DHRS7B: variants seen among roughly 807,000 people sequenced by gnomAD.
DHRS7B encodes the protein peroxisomal reductase activating PPAR-gamma.
A neutral mutation model predicts 26.4 loss-of-function variants in DHRS7B; 24 were observed. That is an observed-to-expected ratio of 0.91 (90% confidence interval 0.66 to 1.28). The LOEUF is 1.28. DHRS7B is among the 50% of genes most tolerant of loss of function. DHRS7B has a pLI of 0.00. For missense variants in DHRS7B, 368 were observed against 419.4 expected (o/e 0.88, Z 1.07); for synonymous variants, 142 against 166.4 (o/e 0.85, Z 1.13).
At chr17:21,166,472 G>T in intron 1 of DHRS7B, 1 of 985,118 alleles carries the variant, frequency 1.0e-6, no homozygotes, top group Non-Finnish European at 1.2e-6. Context: ...GCCATCTGAG[G>T]TAGGATATTG....
At chr17:21,179,636 G>T (rs1432700065) in intron 3 of DHRS7B, among the ~76,000 whole-genome samples, 1 of 151,918 alleles carries the variant, frequency 6.6e-6, no homozygotes, top group Non-Finnish European at 1.5e-5. Flanking sequence ...TCCTTTGCTT[G>T]TTTTTTTAAT....
intron 1 of DHRS7B, among the ~76,000 whole-genome samples, chr17:21,134,608 C>G (rs945920650): frequency 2.6e-5 from 4 of 152,144 alleles, no homozygotes; most frequent in Admixed American, 6.6e-5. Flanking sequence ...CCAGTCAAAG[C>G]CTTGGTAAAA....
At chr17:21,157,685 C>G (rs901901503) in intron 1 of DHRS7B, among the ~76,000 whole-genome samples, 2 of 152,080 alleles carry the variant, frequency 1.3e-5, no homozygotes, top group Non-Finnish European at 2.9e-5. Flanking sequence ...GAAAGTGAGA[C>G]CCTGTCTCAA....
intron 1 of DHRS7B, among the ~76,000 whole-genome samples, chr17:21,140,487 C>CACACAT (rs1361737051): frequency 1.5e-5 from 2 of 129,252 alleles, no homozygotes; most frequent in Admixed American, 7.8e-5. Flanking sequence ...AATACACACA[C>CACACAT]ACACACACAC....
chr17:21,188,677 A>T, intron 5 of DHRS7B, 34 bp from the exon 6 acceptor site: 1 of 1,546,896 alleles, frequency 6.5e-7, no homozygotes, highest in Non-Finnish European at 8.7e-7. Flanking sequence ...ACCCCAGCGC[A>T]CTCAGTCACC....
At chr17:21,172,713 A>G (rs1424431081) in intron 2 of DHRS7B, among the ~76,000 whole-genome samples, 1 of 152,154 alleles carries the variant, frequency 6.6e-6, no homozygotes, top group Non-Finnish European at 1.5e-5. Flanking sequence ...AGCATGGTCT[A>G]GACAAGGTCA....
At chr17:21,177,429 G>T (rs1974406068) in intron 2 of DHRS7B, among the ~76,000 whole-genome samples, 1 of 152,212 alleles carries the variant, frequency 6.6e-6, no homozygotes, top group South Asian at 2.1e-4. Flanking sequence ...TGTCTGACTA[G>T]CTTTGGACTG....
chr17:21,158,366 G>T (rs1390620017), intron 1 of DHRS7B, among the ~76,000 whole-genome samples: 1 of 152,182 alleles, frequency 6.6e-6, no homozygotes, highest in Non-Finnish European at 1.5e-5. Context: ...TTCACAGATG[G>T]CAATCATTTA....
rs568643527 is a variant in DHRS7B, at chr17:21,166,133, C to T, written c.21-5885C>T. Reference sequence around the variant, plus strand: ...GCTTTGGCACCTTTCTCCGCCCCCCCTCACAGGATTGCCGGGAAGCATGTG... The same window carrying T: ...GCTTTGGCACCTTTCTCCGCCCCCCTTCACAGGATTGCCGGGAAGCATGTG... On this transcript the variant is annotated intron_variant, in intron 1 of 6. Transcript: ENST00000395511. 8.1e-6 allele frequency: 8 copies of T among 985,272 alleles called. No individual in the cohort carries two copies. In the African/African-American group the frequency reaches 1.4e-4, roughly 17 times the overall value. 61.0% of individuals were successfully genotyped at this position (985,272 alleles called of 1,614,324 possible). A position where few individuals can be genotyped will look rare whatever the true frequency, so the allele number is the denominator to read the frequency against.
chr17:21,178,351 G>C lies in DHRS7B; in HGVS notation c.309+9G>C. 6.2e-7 allele frequency: 1 copy of C among 1,611,992 alleles called. No individual in the cohort carries two copies. Among genetic ancestry groups the C allele is most frequent in the East Asian group, 2.2e-5 (1 of 44,872 alleles). On this transcript the variant is annotated intron_variant, in intron 3 of 6. Transcript: ENST00000395511. ...CTTCTCATGCCACCAAGGTGAGCCA[G>C]GGGCGTGCTTTCCATGGGGAAGGAG...
At chr17:21,162,464 TA>T (rs1284264011) in intron 1 of DHRS7B, among the ~76,000 whole-genome samples, 2 of 152,216 alleles carry the variant, frequency 1.3e-5, no homozygotes, top group Non-Finnish European at 2.9e-5. Flanking sequence ...TGGATTAGAT[TA>T]TTTCCATGAT....
intron 1 of DHRS7B, among the ~76,000 whole-genome samples, chr17:21,132,348 AATAT>A (rs752912752): frequency 8.0e-6 from 1 of 125,048 alleles, no homozygotes; most frequent in African/African-American, 2.9e-5. Context: ...AAAAAAAAAA[AATAT>A]ATATATATAT....
At chr17:21,172,585 A>G (rs760271438) in intron 2 of DHRS7B, 10 of 303,324 alleles carry the variant, frequency 3.3e-5, no homozygotes, top group Non-Finnish European at 5.1e-5. Flanking sequence ...TTTTACCTCT[A>G]TGAGGACCAA....
At chr17:21,167,079 AT>A (rs1974130801) in intron 1 of DHRS7B, among the ~76,000 whole-genome samples, 1 of 152,068 alleles carries the variant, frequency 6.6e-6, no homozygotes, top group Non-Finnish European at 1.5e-5. Context: ...GCAAGGGAGA[AT>A]TTTGGCCAAA....
intron 5 of DHRS7B, among the ~76,000 whole-genome samples, chr17:21,187,357 G>A (rs1047539518): frequency 6.6e-6 from 1 of 151,466 alleles, no homozygotes; most frequent in African/African-American, 2.4e-5. Context: ...CGGGTGCGGT[G>A]GCTCACGCCT....
At chr17:21,145,185 A>G (rs371268234) in intron 1 of DHRS7B, among the ~76,000 whole-genome samples, 1 of 152,206 alleles carries the variant, frequency 6.6e-6, no homozygotes, top group African/African-American at 2.4e-5. Flanking sequence ...TTAGCCAGGC[A>G]TGGTGGCGGG....
At chr17:21,147,523 A>G (rs1597736848) in intron 1 of DHRS7B, among the ~76,000 whole-genome samples, 1 of 152,214 alleles carries the variant, frequency 6.6e-6, no homozygotes, top group African/African-American at 2.4e-5. Flanking sequence ...TCTCGAGGCC[A>G]TGGAGAAATG....
At chr17:21,188,152 A>C (rs1313667410) in intron 5 of DHRS7B, among the ~76,000 whole-genome samples, 7 of 152,112 alleles carry the variant, frequency 4.6e-5, no homozygotes, top group Non-Finnish European at 8.8e-5. Context: ...GCCCAGCTTA[A>C]CTTTTAACTT....
intron 1 of DHRS7B, among the ~76,000 whole-genome samples, chr17:21,140,533 CA>C (rs1567616927): frequency 5.9e-4 from 89 of 150,600 alleles, no homozygotes; most frequent in Non-Finnish European, 7.0e-4. Context: ...CACACACACA[CA>C]CACACCCTGA....
Sources: gnomAD v4.1 joint callset for allele counts (sites outside exome capture counted in the v4.1 genomes callset) on GRCh38, gnomAD v4.1.1 for gene constraint, MANE v1.5 for transcripts, NCBI Gene and HGNC (gene_info 2026-07-23, HGNC 2026-07-21) for gene names.